NOC3L: variants seen among roughly 807,000 people sequenced by gnomAD.
NOC3L encodes NOC3 like DNA replication regulator.
In NOC3L, 85 loss-of-function variants were observed where a neutral mutation model predicts 102.5. The observed-to-expected ratio is 0.83, with a 90% CI of 0.70 to 0.99. The LOEUF is 0.99. Ranked by LOEUF, NOC3L falls within the 50% of genes least tolerant of loss-of-function variation. NOC3L has a pLI of 0.00. For synonymous variants in NOC3L, 303 were observed against 309.4 expected, an observed-to-expected ratio of 0.98 and a Z score of 0.22; for missense variants, 878 against 914.9, an observed-to-expected ratio of 0.96 and a Z score of 0.52.
At chr10:94,361,091 A>G (rs1285906240) in intron 2 of NOC3L, among the ~76,000 whole-genome samples, 5 of 152,228 alleles carry the variant, frequency 3.3e-5, no homozygotes, top group Non-Finnish European at 7.3e-5. Context: ...TAGTCAAATA[A>G]GAATACCCTA....
At chr10:94,331,203 A>C (rs143752256), downstream of NOC3L, 38 of 152,342 alleles carry the variant, frequency 2.5e-4, 1 homozygote, top group East Asian at 4.8e-3. Flanking sequence ...GTTTTTAATC[A>C]AACTTGCTTT....
At chr10:94,318,213 T>G in the NOC3L span, among the ~76,000 whole-genome samples, 2 of 152,226 alleles carry the variant, frequency 1.3e-5, no homozygotes, top group East Asian at 3.8e-4. Flanking sequence ...ACACACTAAT[T>G]GCTAAGACAG....
intron 2 of NOC3L, 96 bp from the exon 3 acceptor site, chr10:94,358,311 G>A (rs1041243843): frequency 7.1e-5 from 51 of 718,812 alleles, no homozygotes; most frequent in Middle Eastern, 2.4e-4. Context: ...AAAAGCTTAC[G>A]CTTTCTGAAG....
chr10:94,359,561 A>G (rs1377682563), intron 2 of NOC3L, among the ~76,000 whole-genome samples: 1 of 152,218 alleles, frequency 6.6e-6, no homozygotes, highest in Non-Finnish European at 1.5e-5. Context: ...TAATAATCCC[A>G]TTAAAAAATG....
intron 2 of NOC3L, among the ~76,000 whole-genome samples, chr10:94,360,162 A>C (rs753818519): frequency 2.0e-5 from 3 of 152,102 alleles, no homozygotes; most frequent in Non-Finnish European, 4.4e-5. Flanking sequence ...CTAAAAACAC[A>C]AAAATCAGCC....
In NOC3L at chr10:94,333,980, G is replaced by A; in HGVS notation, c.*197C>T. On this transcript the variant is annotated 3_prime_UTR_variant, in exon 21 of 21. Coordinates refer to ENST00000371361, the MANE Select transcript of NOC3L (RefSeq NM_022451.11). The stretch of plus-strand genomic sequence containing the variant: ...ATACTGGGGAGAAAAAAAGGCTTTT[G>A]ATCTCCTTGATGGAATGACATATTC... 1 of 368,696 alleles carries A rather than the reference G, an allele frequency of 2.7e-6. No individual in the cohort carries two copies. Among genetic ancestry groups the A allele is most frequent in the Non-Finnish European group, 4.8e-6 (1 of 207,634 alleles). The allele number at this position is 368,696 out of a possible 1,614,324, so 22.8% of individuals were successfully genotyped here.
intron 5 of NOC3L, 81 bp downstream of exon 5, chr10:94,356,453 AT>A: frequency 1.2e-6 from 1 of 845,436 alleles, no homozygotes. Flanking sequence ...TACCTTCCAG[AT>A]TTCATCTAAA....
chr10:94,330,952 T>C (rs757103858), downstream of NOC3L: 3 of 152,210 alleles, frequency 2.0e-5, no homozygotes, highest in Non-Finnish European at 2.9e-5. Flanking sequence ...AATATGCAAG[T>C]TGGGGTCATT....
rs1379851277 is a variant in NOC3L, at chr10:94,358,085, A to G, written c.348T>C (p.Ser116=). ...TTATAACCCAAATGAAGTATTACCTAGAAGAAAGATCTCTTGTTAGAAAAG... is the reference window on the plus strand; with the variant it reads ...TTATAACCCAAATGAAGTATTACCTGGAAGAAAGATCTCTTGTTAGAAAAG... ...RVSFLTRDLS[S]SEPVHAKKRK... The change falls in exon 3 of 21, where the codon TCT becomes TCC. Residue 116 remains serine, a splice_region_variant and synonymous_variant. Coordinates refer to ENST00000371361, the MANE Select transcript of NOC3L (RefSeq NM_022451.11). The G allele has an allele frequency of 1.9e-6, 3 of 1,575,988 alleles. No individual in the cohort carries two copies. The highest frequency in any genetic ancestry group is 4.5e-5 in the East Asian group (2 of 44,708).
chr10:94,315,265 C>T, the NOC3L span: 153 of 372,950 alleles, frequency 4.1e-4, 1 homozygote, highest in African/African-American at 2.9e-3. Flanking sequence ...TCACATTCTG[C>T]TTTTCCTCCT....
the NOC3L span, chr10:94,324,484 C>T: frequency 2.5e-6 from 4 of 1,614,160 alleles, no homozygotes; most frequent in Non-Finnish European, 3.4e-6. Context: ...GCGGGTCCTT[C>T]TGGATCAGGA....
the NOC3L span, among the ~76,000 whole-genome samples, chr10:94,326,700 G>T: frequency 8.5e-3 from 1,299 of 152,288 alleles, 33 homozygotes; most frequent in African/African-American, 0.03. Context: ...AGGAGACTGG[G>T]GGAGGGTGAT....
chr10:94,321,657 A>G, the NOC3L span, among the ~76,000 whole-genome samples: 1 of 151,908 alleles, frequency 6.6e-6, no homozygotes, highest in Non-Finnish European at 1.5e-5. Context: ...CCCACAGCTA[A>G]TAGGAGCAGA....
chr10:94,341,455 T>C (rs985449520), intron 14 of NOC3L, among the ~76,000 whole-genome samples: 4 of 148,954 alleles, frequency 2.7e-5, no homozygotes, highest in African/African-American at 9.8e-5. Flanking sequence ...AGAAAACAGG[T>C]CAGACAACCC....
the NOC3L span, among the ~76,000 whole-genome samples, chr10:94,322,469 G>A: frequency 2.6e-5 from 4 of 152,124 alleles, no homozygotes; most frequent in East Asian, 7.7e-4. Flanking sequence ...TGGCTGACAT[G>A]GCAAAACCCT....
intron 2 of NOC3L, among the ~76,000 whole-genome samples, chr10:94,360,054 A>G (rs984490282): frequency 6.6e-6 from 1 of 152,228 alleles, no homozygotes; most frequent in African/African-American, 2.4e-5. Context: ...GCGGTGGCTC[A>G]CGCCTGTAAT....
At chr10:94,332,483 T>C (rs1589561038), downstream of NOC3L, 1 of 149,886 alleles carries the variant, frequency 6.7e-6, no homozygotes, top group African/African-American at 2.5e-5. Flanking sequence ...TAGCTTAATA[T>C]AGCCTCAGGA....
At chr10:94,354,604 C>T (rs970483507) in intron 6 of NOC3L, among the ~76,000 whole-genome samples, 10 of 152,164 alleles carry the variant, frequency 6.6e-5, no homozygotes, top group South Asian at 2.1e-4. Context: ...CCCTGTAGCG[C>T]GCTTTTTAAA....
At chr10:94,325,120 G>A in the NOC3L span, 1 of 1,543,932 alleles carries the variant, frequency 6.5e-7, no homozygotes, top group Non-Finnish European at 9.0e-7. Flanking sequence ...GTAAGTCATT[G>A]CACCATCCTG....
Sources: allele counts gnomAD v4.1 joint callset (sites outside exome capture counted in the v4.1 genomes callset), GRCh38; gene constraint gnomAD v4.1.1; transcripts MANE v1.5; gene names NCBI Gene and HGNC (gene_info 2026-07-23, HGNC 2026-07-21).